The following GLB1L2 variants were observed in gnomAD, a reference collection of about 807,000 sequenced individuals.
The protein encoded by GLB1L2 is galactosidase beta 1 like 2.
In GLB1L2, 68 loss-of-function variants were observed where a neutral mutation model predicts 84.1. The ratio of observed to expected loss-of-function variants is 0.81; its 90% CI spans 0.67 to 0.99. The LOEUF is 0.99. Ranked by LOEUF, GLB1L2 falls within the 50% of genes least tolerant of loss-of-function variation. The probability of loss-of-function intolerance (pLI) is 0.00; values close to 1 mark genes in which losing one functional copy is unlikely to be tolerated. For missense variants in GLB1L2, 762 were observed against 805.6 expected (o/e 0.95, Z 0.66); for synonymous variants, 290 against 318.0 (o/e 0.91, Z 0.94).
intron 6 of GLB1L2, 91 bp downstream of exon 6, chr11:134,356,484 A>G (rs1030243540): frequency 1.2e-6 from 1 of 809,900 alleles, no homozygotes; most frequent in African/African-American, 1.7e-5. Context: ...TATTTTTCTC[A>G]TATTAATACA....
At chr11:134,346,109 C>T (rs1565435315) in intron 4 of GLB1L2, among the ~76,000 whole-genome samples, 1 of 152,204 alleles carries the variant, frequency 6.6e-6, no homozygotes, top group Non-Finnish European at 1.5e-5. Context: ...CCCAAGCCGT[C>T]TCCCCTCCCC....
At chr11:134,332,927 T>C (rs1009565140) in intron 1 of GLB1L2, among the ~76,000 whole-genome samples, 7 of 152,194 alleles carry the variant, frequency 4.6e-5, no homozygotes, top group African/African-American at 1.7e-4. Context: ...GGTCAGCACT[T>C]TCCATATTCA....
chr11:134,332,035 C>G lies in GLB1L2; in HGVS notation c.-27C>G. On this transcript the variant is annotated 5_prime_UTR_variant, in exon 1 of 19. Coordinates refer to ENST00000535456, the MANE Select transcript of GLB1L2 (RefSeq NM_001370461.1). Reference sequence around the variant, plus strand: ...CTGAGTGCGGACTGGAGTGGGAACCCGGGTCCCCGCGCTTAGAGAACACGC... The same window carrying G: ...CTGAGTGCGGACTGGAGTGGGAACCGGGGTCCCCGCGCTTAGAGAACACGC... The G allele has an allele frequency of 6.6e-7, 1 of 1,511,674 alleles. No homozygotes were observed. Among genetic ancestry groups the G allele is most frequent in the East Asian group, 2.6e-5 (1 of 38,886 alleles). The allele number at this position is 1,511,674 out of a possible 1,614,324, so 93.6% of individuals were successfully genotyped here. A position where few individuals can be genotyped will look rare whatever the true frequency, so the allele number is the denominator to read the frequency against.
intron 1 of GLB1L2, among the ~76,000 whole-genome samples, chr11:134,340,720 C>T (rs973217742): frequency 1.3e-5 from 2 of 152,210 alleles, no homozygotes; most frequent in Non-Finnish European, 1.5e-5. Flanking sequence ...TTGCAGGCCA[C>T]GCAGTCTATC....
chr11:134,371,309 A>G (rs1591625650), intron 13 of GLB1L2, 112 bp from the exon 14 acceptor site: 1 of 1,205,980 alleles, frequency 8.3e-7, no homozygotes, highest in South Asian at 1.2e-5. Flanking sequence ...TGCTCTGCCC[A>G]CTGGCCCCTC....
At chr11:134,341,908 C>T (rs1434969022) in intron 1 of GLB1L2, among the ~76,000 whole-genome samples, 1 of 152,148 alleles carries the variant, frequency 6.6e-6, no homozygotes, top group South Asian at 2.1e-4. Context: ...GAGCGAGCGC[C>T]GGTGGGGACG....
At chr11:134,332,171 C>T (rs1943306895) in intron 1 of GLB1L2, 24 bp downstream of exon 1, 2 of 1,468,116 alleles carry the variant, frequency 1.4e-6, no homozygotes, top group African/African-American at 1.4e-5. Context: ...TCGCGCAGCA[C>T]CTGCCGGACC....
At chr11:134,349,864 G>A (rs1481352946) in intron 5 of GLB1L2, among the ~76,000 whole-genome samples, 3 of 152,120 alleles carry the variant, frequency 2.0e-5, no homozygotes, top group Non-Finnish European at 4.4e-5. Context: ...TGGGTCCTTC[G>A]CTTCAAGGCA....
intron 5 of GLB1L2, among the ~76,000 whole-genome samples, chr11:134,354,207 G>T (rs1272580148): frequency 6.6e-6 from 1 of 151,912 alleles, no homozygotes; most frequent in Non-Finnish European, 1.5e-5. Flanking sequence ...TAAGGTAAAG[G>T]ATATATAATA....
At chr11:134,333,910 T>G (rs1312772673) in intron 1 of GLB1L2, among the ~76,000 whole-genome samples, 2 of 152,196 alleles carry the variant, frequency 1.3e-5, no homozygotes, top group Non-Finnish European at 2.9e-5. Context: ...CTCAAGGAGC[T>G]CTGAACCAAG....
chr11:134,374,943 G>A lies in GLB1L2; in HGVS notation c.1825-29G>A, dbSNP rs543378421. 1.2e-5 allele frequency: 20 copies of A among 1,601,350 alleles called. No individual in the cohort carries two copies. In the East Asian group the frequency reaches 4.0e-4, roughly 32 times the overall value. On this transcript the variant is annotated intron_variant, in intron 18 of 18. Transcript: ENST00000535456. ...CCTGGCTCCAGGACAGACGTCAGCTGCCCTCCCAGCCGGGCCCTCTCTCCA... is the reference window on the plus strand; with the variant it reads ...CCTGGCTCCAGGACAGACGTCAGCTACCCTCCCAGCCGGGCCCTCTCTCCA...
At chr11:134,347,509 G>A in intron 5 of GLB1L2, 76 bp downstream of exon 5, 2 of 987,666 alleles carry the variant, frequency 2.0e-6, no homozygotes, top group South Asian at 1.3e-5. Context: ...TTAGTTCTCA[G>A]ACCAAGGGTC....
Position 134,338,128 on chromosome 11 carries a change from G to A in GLB1L2, c.87-4626G>A, listed in dbSNP as rs969597487. On this transcript the variant is annotated intron_variant, in intron 1 of 18. Coordinates refer to ENST00000535456, the MANE Select transcript of GLB1L2 (RefSeq NM_001370461.1). The surrounding 1 kb of genome is among the most constrained non-coding windows in gnomAD (Gnocchi z 6.2). The stretch of plus-strand genomic sequence containing the variant: ...CGGTCATCGTACTCCGGATGTTCAC[G>A]GCACTCCGGATGTTCTGCTGTGCCC... 9.4e-5 allele frequency among the ~76,000 whole-genome samples: 14 copies of A among 148,164 alleles called. No individual in the cohort carries two copies. Among genetic ancestry groups the A allele is most frequent in the Non-Finnish European group, 1.5e-4 (10 of 67,984 alleles).
intron 4 of GLB1L2, among the ~76,000 whole-genome samples, chr11:134,345,907 G>C (rs1004826398): frequency 6.6e-6 from 1 of 152,240 alleles, no homozygotes; most frequent in Admixed American, 6.5e-5. Context: ...CCCAGTGCTA[G>C]TCTTGGCTGA....
intron 2 of GLB1L2, among the ~76,000 whole-genome samples, chr11:134,343,779 G>A (rs947921656): frequency 7.2e-5 from 11 of 152,226 alleles, no homozygotes; most frequent in Non-Finnish European, 8.8e-5. Context: ...GGCAGAGCTC[G>A]TGTGTCTGGG....
In GLB1L2 at chr11:134,332,078, T is replaced by G. The variant is rs778973273; in HGVS notation, c.17T>G (p.Leu6Arg). MTTWS[L>R]RRRPARTLGL... ...GAACACGCGATGACCACGTGGAGCC[T>G]CCGGCGGAGGCCGGCCCGCACGCTG... The change falls in exon 1 of 19, where the codon CTC becomes CGC. Residue 6 changes from leucine to arginine, a missense_variant. This residue lies in a region of GLB1L2 where 100 missense variants were observed against 88.8 expected (regional missense o/e 1.13). Transcript: ENST00000535456. 1 of 1,584,052 alleles carries G rather than the reference T, an allele frequency of 6.3e-7. No homozygotes were observed.
intron 5 of GLB1L2, among the ~76,000 whole-genome samples, chr11:134,355,727 T>C (rs943020875): frequency 6.6e-6 from 1 of 152,222 alleles, no homozygotes; most frequent in Non-Finnish European, 1.5e-5. Context: ...TCTGGCAGCT[T>C]TCATATGCTG....
At chr11:134,368,996 G>A (rs1943904040) in intron 10 of GLB1L2, among the ~76,000 whole-genome samples, 1 of 152,168 alleles carries the variant, frequency 6.6e-6, no homozygotes, top group African/African-American at 2.4e-5. Context: ...ACTCTACAGA[G>A]AGGCCTCTTT....
chr11:134,355,967 G>A (rs1356350651), intron 5 of GLB1L2: 2 of 489,668 alleles, frequency 4.1e-6, no homozygotes, highest in East Asian at 1.2e-4. Context: ...TGCTACATTG[G>A]GGTGGGGCAA....
Sources: allele counts gnomAD v4.1 joint callset (sites outside exome capture counted in the v4.1 genomes callset), GRCh38; gene constraint gnomAD v4.1.1; regional missense constraint gnomAD v4.1.1; non-coding constraint Gnocchi (gnomAD v3.1); transcripts MANE v1.5; gene names NCBI Gene and HGNC (gene_info 2026-07-23, HGNC 2026-07-21).